SLCO4C1: variants seen among roughly 807,000 people sequenced by gnomAD.
SLCO4C1 encodes the protein solute carrier organic anion transporter family member 4C1, also known as organic anion transporter M1.
In SLCO4C1, 58 loss-of-function variants were observed where a neutral mutation model predicts 72.1. The ratio of observed to expected loss-of-function variants is 0.80; its 90% CI spans 0.65 to 1.00. The LOEUF (loss-of-function observed/expected upper bound fraction) is 1.00. Ranked by LOEUF, SLCO4C1 falls within the 50% of genes least tolerant of loss-of-function variation. The pLI is 0.00. For synonymous variants in SLCO4C1, 297 were observed against 312.5 expected, an observed-to-expected ratio of 0.95 and a Z score of 0.52; for missense variants, 898 against 857.9, an observed-to-expected ratio of 1.05 and a Z score of -0.58.
rs369445226 is a variant in SLCO4C1, at chr5:102,247,388, C to G, written c.1675G>C (p.Glu559Gln). 41 of 1,594,784 alleles carry G rather than the reference C, an allele frequency of 2.6e-5. No homozygotes were observed. The highest frequency in any genetic ancestry group is 3.5e-5 in the Non-Finnish European group (41 of 1,165,410). The change falls in exon 10 of 13, where the codon GAA (glutamate) becomes CAA (glutamine). Residue 559 changes from glutamate (E) to glutamine (Q), a missense_variant. Transcript: ENST00000310954. ...GCTTTAGCTTCAAAACCAAAAGTTT[C>G]TGCAGTGGATGTTATTTCTGTTTTC... ...ERKTEITSTA[E>Q]TFGFEAKAGK...
At chr5:102,260,846 A>G (rs936090449) in intron 5 of SLCO4C1, among the ~76,000 whole-genome samples, 1 of 152,112 alleles carries the variant, frequency 6.6e-6, no homozygotes, top group African/African-American at 2.4e-5. Flanking sequence ...CAAATTTGAG[A>G]AAACAGTTAA....
At chr5:102,267,583 GTT>G (rs543701401) in intron 3 of SLCO4C1, among the ~76,000 whole-genome samples, 3 of 132,648 alleles carry the variant, frequency 2.3e-5, no homozygotes, top group African/African-American at 5.5e-5. Flanking sequence ...ATCTTCTGTA[GTT>G]TTTTTTTTTT....
rs1490351680 is a variant in SLCO4C1, at chr5:102,247,412, T to C, written c.1651A>G (p.Lys551Glu). 1 of 1,583,780 alleles carries C rather than the reference T, an allele frequency of 6.3e-7. No individual in the cohort carries two copies. Among genetic ancestry groups the C allele is most frequent in the Admixed American group, 1.7e-5 (1 of 58,712 alleles). Residue 551 changes from lysine (K) to glutamate (E), a missense_variant, in exon 10 of 13, where the codon AAA (lysine) becomes GAA (glutamate). By Grantham distance (56) the Lys-to-Glu change is moderately conservative. Coordinates refer to ENST00000310954, the MANE Select transcript of SLCO4C1 (RefSeq NM_180991.5). ...VYYNCSCIER[K>E]TEITSTAETF... ...TCTGCAGTGGATGTTATTTCTGTTT[T>C]CCTTTCAATACAGGAACAGTTGTAA...
chr5:102,295,931 T>C lies in SLCO4C1; in HGVS notation c.332A>G (p.Tyr111Cys), dbSNP rs1398338235. Reference sequence around the variant, plus strand: ...ACCTTGCGTGACGGCCAAGAGGCAGTAGTGAAGCAGAAAGCCTCCAGGTGT... The same window carrying C: ...ACCTTGCGTGACGGCCAAGAGGCAGCAGTGAAGCAGAAAGCCTCCAGGTGT... ...CNTPGGFLLHYCLLAVTQGIV... is the reference protein window; with the variant it reads ...CNTPGGFLLHCCLLAVTQGIV... Residue 111 changes from tyrosine to cysteine, a missense_variant, in exon 1 of 13, where the codon TAC becomes TGC. Physicochemically the swap from Tyr to Cys is radical, Grantham distance 194. Transcript: ENST00000310954. The C allele has an allele frequency of 6.2e-7, 1 of 1,613,970 alleles. No homozygotes were observed. The highest frequency in any genetic ancestry group is 8.5e-7 in the Non-Finnish European group (1 of 1,179,882).
At chr5:102,253,889 T>C (rs115717143) in intron 8 of SLCO4C1, among the ~76,000 whole-genome samples, 1,680 of 151,958 alleles carry the variant, frequency 0.011, 15 homozygotes, top group Non-Finnish European at 0.019. Context: ...AACCTCAGCA[T>C]CATATAATAT....
At chr5:102,258,860 G>A (rs533613100) in intron 6 of SLCO4C1, among the ~76,000 whole-genome samples, 1 of 151,348 alleles carries the variant, frequency 6.6e-6, no homozygotes, top group Non-Finnish European at 1.5e-5. Context: ...CTAAAAACAT[G>A]CAATAATTTA....
chr5:102,295,279 C>T (rs1377865557), intron 1 of SLCO4C1, among the ~76,000 whole-genome samples: 1 of 152,202 alleles, frequency 6.6e-6, no homozygotes, highest in African/African-American at 2.4e-5. Flanking sequence ...AAAACAGATG[C>T]TGGATAACTA....
intron 7 of SLCO4C1, 114 bp downstream of exon 7, chr5:102,257,829 G>T (rs185552045): frequency 2.1e-6 from 2 of 947,106 alleles, no homozygotes; most frequent in Non-Finnish European, 3.1e-6. Flanking sequence ...CATGTTGGCC[G>T]GGCTGGTTTT....
rs772692271 is a variant in SLCO4C1, at chr5:102,249,771, T to G, written c.1487A>C (p.Asn496Thr). ...ATTGGCATTACAAGGGGCTATCAAG[T>G]TTCCCAATTCTCCAGTCCTGTAAAT... ...ESYNGTGELGNLIAPCNANCN... is the reference protein window; with the variant it reads ...ESYNGTGELGTLIAPCNANCN... Residue 496 changes from asparagine to threonine, a missense_variant, in exon 9 of 13, where the codon AAC (asparagine) becomes ACC (threonine). Transcript: ENST00000310954. The G allele has an allele frequency of 1.2e-6, 2 of 1,613,588 alleles. No homozygotes were observed. Among genetic ancestry groups the G allele is most frequent in the South Asian group, 2.2e-5 (2 of 90,958 alleles).
chr5:102,290,652 T>A (rs916726629), intron 2 of SLCO4C1, among the ~76,000 whole-genome samples: 1 of 152,238 alleles, frequency 6.6e-6, no homozygotes, highest in Admixed American at 6.5e-5. Context: ...CATCTGATTT[T>A]ATTTCTAATT....
chr5:102,293,811 T>G (rs1013333448), intron 1 of SLCO4C1, among the ~76,000 whole-genome samples: 1 of 152,172 alleles, frequency 6.6e-6, no homozygotes, highest in Non-Finnish European at 1.5e-5. Flanking sequence ...CTCGGCTCAC[T>G]GCAACCTCCA....
At chr5:102,254,594 A>G (rs1580246456) in intron 8 of SLCO4C1, among the ~76,000 whole-genome samples, 2 of 152,070 alleles carry the variant, frequency 1.3e-5, no homozygotes, top group Non-Finnish European at 2.9e-5. Context: ...GGCAACCACC[A>G]CCCTGGTCAG....
At chr5:102,268,932 C>A (rs183602305) in intron 3 of SLCO4C1, among the ~76,000 whole-genome samples, 1 of 152,026 alleles carries the variant, frequency 6.6e-6, no homozygotes, top group Non-Finnish European at 1.5e-5. Flanking sequence ...ATATAGTATT[C>A]TTGACAGACA....
At chr5:102,280,104 A>C (rs1280999639) in intron 2 of SLCO4C1, among the ~76,000 whole-genome samples, 1 of 149,868 alleles carries the variant, frequency 6.7e-6, no homozygotes, top group South Asian at 2.1e-4. Flanking sequence ...AAAAAAAAAA[A>C]AAAAAAAAAA....
chr5:102,287,583 C>T (rs1749478571), intron 2 of SLCO4C1, among the ~76,000 whole-genome samples: 1 of 142,678 alleles, frequency 7.0e-6, no homozygotes, highest in Non-Finnish European at 1.5e-5. Flanking sequence ...CTCTGTCACC[C>T]AGGCTGGATG....
At chr5:102,277,532 A>G (rs1749268625) in intron 2 of SLCO4C1, among the ~76,000 whole-genome samples, 1 of 152,150 alleles carries the variant, frequency 6.6e-6, no homozygotes, top group Non-Finnish European at 1.5e-5. Flanking sequence ...TCAGTAGAAG[A>G]GTAGCAAGTC....
chr5:102,264,545 A>C (rs1748999517), intron 3 of SLCO4C1, among the ~76,000 whole-genome samples: 2 of 152,040 alleles, frequency 1.3e-5, no homozygotes, highest in East Asian at 3.9e-4. Flanking sequence ...ATGTGTCAAT[A>C]CATCTATACA....
chr5:102,257,359 C>G, intron 7 of SLCO4C1, 49 bp from the exon 8 acceptor site: 1 of 1,393,550 alleles, frequency 7.2e-7, no homozygotes, highest in South Asian at 1.6e-5. Context: ...CACATATACT[C>G]ACTCATACTG....
At position 102,295,891 on chromosome 5, in the gene SLCO4C1, C is replaced by T; in HGVS notation, c.355+17G>A. 1 of 1,599,032 alleles carries T rather than the reference C, an allele frequency of 6.3e-7. No individual in the cohort carries two copies. Among genetic ancestry groups the T allele is most frequent in the Non-Finnish European group, 8.5e-7 (1 of 1,169,906 alleles). On this transcript the variant is annotated intron_variant, in intron 1 of 12. Transcript: ENST00000310954. ...GCTCTCCACTGGCCCGAGCCTCAAG[C>T]GGGCGCTGGACTTTACCTTGCGTGA...
Sources: allele counts gnomAD v4.1 joint callset (sites outside exome capture counted in the v4.1 genomes callset), GRCh38; gene constraint gnomAD v4.1.1; transcripts MANE v1.5; gene names NCBI Gene and HGNC (gene_info 2026-07-23, HGNC 2026-07-21).